Variants in NBAS observed in about 807,000 individuals in gnomAD.
The protein encoded by NBAS is NAG/BC035112 fusion.
A neutral mutation model predicts 302.5 loss-of-function variants in NBAS; 219 were observed. That is an observed-to-expected ratio of 0.72 (90% CI 0.65 to 0.81). NBAS has a LOEUF of 0.81. Ranked by LOEUF, NBAS falls within the 30% of genes least tolerant of loss-of-function variation. The pLI is 0.00. For synonymous variants in NBAS, 1,118 were observed against 1,021.6 expected (o/e 1.09, Z -1.80); for missense variants, 2,932 against 2,841.6 (o/e 1.03, Z -0.72).
intron 40 of NBAS, 52 bp from the exon 41 acceptor site, chr2:15,292,818 G>T: frequency 1.3e-6 from 2 of 1,524,244 alleles, no homozygotes; most frequent in Middle Eastern, 1.7e-4. Context: ...ACAAACACGA[G>T]CAAGTGAGTA....
At chr2:14,922,295 T>C in the NBAS span, among the ~76,000 whole-genome samples, 3 of 152,166 alleles carry the variant, frequency 2.0e-5, no homozygotes, top group Non-Finnish European at 2.9e-5. Context: ...CATTTAAGTT[T>C]TAATAATGGT....
At chr2:15,088,652 C>T in the NBAS span, among the ~76,000 whole-genome samples, 1 of 152,220 alleles carries the variant, frequency 6.6e-6, no homozygotes, top group Non-Finnish European at 1.5e-5. Context: ...CCTCTGTAGG[C>T]TTTCCCTCGG....
At chr2:15,337,968 T>C (rs963190689) in intron 35 of NBAS, among the ~76,000 whole-genome samples, 1 of 152,220 alleles carries the variant, frequency 6.6e-6, no homozygotes. Context: ...AACCACGTCA[T>C]TGGTTCCCAG....
At chr2:15,385,065 TA>T (rs1675221991) in intron 28 of NBAS, among the ~76,000 whole-genome samples, 1 of 152,246 alleles carries the variant, frequency 6.6e-6, no homozygotes, top group Non-Finnish European at 1.5e-5. Context: ...ATTTAATATT[TA>T]TTATACAAAA....
intron 45 of NBAS, among the ~76,000 whole-genome samples, chr2:15,235,198 C>G (rs1166810071): frequency 6.6e-6 from 1 of 152,114 alleles, no homozygotes; most frequent in East Asian, 1.9e-4. Flanking sequence ...CATATGGTAT[C>G]TAAATTAATA....
At chr2:15,379,089 TAGG>T (rs1674897182) in intron 30 of NBAS, among the ~76,000 whole-genome samples, 1 of 151,998 alleles carries the variant, frequency 6.6e-6, no homozygotes. Context: ...TGAGCTAAAA[TAGG>T]AGTACAATGG....
intron 22 of NBAS, among the ~76,000 whole-genome samples, chr2:15,424,764 C>T (rs1421788961): frequency 2.6e-5 from 4 of 152,098 alleles, no homozygotes; most frequent in East Asian, 1.9e-4. Flanking sequence ...CAAAAATCAC[C>T]GAGGGAAGCT....
intron 21 of NBAS, among the ~76,000 whole-genome samples, chr2:15,429,429 T>C (rs1677650843): frequency 6.6e-6 from 1 of 152,212 alleles, no homozygotes. Context: ...TCTTATATTA[T>C]TAGGTTATAC....
At chr2:15,350,067 C>T (rs182010125) in intron 35 of NBAS, among the ~76,000 whole-genome samples, 6 of 152,044 alleles carry the variant, frequency 3.9e-5, no homozygotes, top group South Asian at 2.1e-4. Context: ...GGAATACACA[C>T]GCATATTAGA....
intron 48 of NBAS, among the ~76,000 whole-genome samples, chr2:15,190,995 A>G (rs1424044926): frequency 1.3e-5 from 2 of 152,312 alleles, no homozygotes; most frequent in Middle Eastern, 6.8e-3. Context: ...TTGAATAACT[A>G]AACGATTTTT....
the NBAS span, among the ~76,000 whole-genome samples, chr2:15,046,096 C>T: frequency 6.6e-6 from 1 of 152,146 alleles, no homozygotes; most frequent in Admixed American, 6.5e-5. Context: ...TCCTTAGACT[C>T]CTCACAAGTC....
At chr2:14,977,956 T>G in the NBAS span, among the ~76,000 whole-genome samples, 784 of 152,302 alleles carry the variant, frequency 5.1e-3, 12 homozygotes, top group African/African-American at 0.018. Flanking sequence ...TGTTTTTATG[T>G]TACCTCTTCT....
the NBAS span, among the ~76,000 whole-genome samples, chr2:15,083,180 G>C: frequency 1.3e-5 from 2 of 152,184 alleles, no homozygotes; most frequent in Non-Finnish European, 2.9e-5. Flanking sequence ...CCACCCCTGG[G>C]TACCTGGCTG....
chr2:15,382,970 A>G (rs1675114614), intron 29 of NBAS, among the ~76,000 whole-genome samples: 1 of 152,198 alleles, frequency 6.6e-6, no homozygotes, highest in Non-Finnish European at 1.5e-5. Context: ...AGAAAAGTCA[A>G]GTACGATTCA....
intron 11 of NBAS, among the ~76,000 whole-genome samples, chr2:15,501,788 G>A (rs1661580496): frequency 6.6e-6 from 1 of 150,432 alleles, no homozygotes; most frequent in Non-Finnish European, 1.5e-5. Flanking sequence ...TTTGAGCCAG[G>A]GTCTCACTCT....
the NBAS span, among the ~76,000 whole-genome samples, chr2:15,159,797 A>ACG: frequency 1.6e-5 from 2 of 128,762 alleles, no homozygotes; most frequent in Non-Finnish European, 3.2e-5. Context: ...ACACACACAC[A>ACG]CGCGTGCACA....
the NBAS span, among the ~76,000 whole-genome samples, chr2:14,990,735 G>A: frequency 6.6e-6 from 1 of 152,092 alleles, no homozygotes; most frequent in African/African-American, 2.4e-5. Flanking sequence ...GAGTAGCTGG[G>A]ACTGTAGGTG....
chr2:14,999,376 T>C, the NBAS span, among the ~76,000 whole-genome samples: 4 of 152,180 alleles, frequency 2.6e-5, no homozygotes, highest in African/African-American at 7.2e-5. Context: ...TTTTATCTGA[T>C]ATGGTTTGGC....
intron 47 of NBAS, among the ~76,000 whole-genome samples, chr2:15,219,869 C>T (rs1666854247): frequency 6.9e-6 from 1 of 145,844 alleles, no homozygotes; most frequent in East Asian, 2.1e-4. Flanking sequence ...CGTGGCCGGG[C>T]AGAGGGGCTC....
Sources: gnomAD v4.1 joint callset for allele counts (sites outside exome capture counted in the v4.1 genomes callset) on GRCh38, gnomAD v4.1.1 for gene constraint, MANE v1.5 for transcripts, NCBI Gene and HGNC (gene_info 2026-07-23, HGNC 2026-07-21) for gene names.